Variants in HHAT observed in about 807,000 individuals in gnomAD.
HHAT encodes protein-cysteine N-palmitoyltransferase HHAT.
A neutral mutation model predicts 70.8 loss-of-function variants in HHAT; 47 were observed. The ratio of observed to expected loss-of-function variants is 0.66; its 90% CI spans 0.53 to 0.85. The LOEUF (loss-of-function observed/expected upper bound fraction) is 0.85. Among genes scored for constraint, HHAT ranks in the 40% least tolerant of loss-of-function variants. The probability of loss-of-function intolerance (pLI) is 0.00; values close to 1 mark genes in which losing one functional copy is unlikely to be tolerated. For missense variants in HHAT, 609 were observed against 604.8 expected, an observed-to-expected ratio of 1.01 and a Z score of -0.07; for synonymous variants, 228 against 247.6, an observed-to-expected ratio of 0.92 and a Z score of 0.74.
chr1:210,451,025 T>G (rs1453169720), intron 7 of HHAT, among the ~76,000 whole-genome samples: 1 of 148,634 alleles, frequency 6.7e-6, no homozygotes. Flanking sequence ...AGGTGGAGCT[T>G]GCAGTGAGCC....
chr1:210,623,242 T>C (rs2148873546), intron 10 of HHAT, among the ~76,000 whole-genome samples: 1 of 152,260 alleles, frequency 6.6e-6, no homozygotes, highest in Non-Finnish European at 1.5e-5. Context: ...CAGCTAATTT[T>C]TAAATTGTTT....
intron 9 of HHAT, among the ~76,000 whole-genome samples, chr1:210,536,021 TC>T (rs1232160921): frequency 6.6e-6 from 1 of 152,130 alleles, no homozygotes; most frequent in Non-Finnish European, 1.5e-5. Context: ...GCATATCGAG[TC>T]CAGCTCCGAG....
chr1:210,360,703 T>C (rs907263192), intron 2 of HHAT, among the ~76,000 whole-genome samples: 1 of 152,100 alleles, frequency 6.6e-6, no homozygotes, highest in Non-Finnish European at 1.5e-5. Flanking sequence ...CCAGGCCAAA[T>C]TGAGGTGTGC....
chr1:210,599,949 T>C (rs893192752), intron 10 of HHAT, among the ~76,000 whole-genome samples: 2 of 152,164 alleles, frequency 1.3e-5, no homozygotes, highest in African/African-American at 4.8e-5. Flanking sequence ...ATTACATACC[T>C]GATCCCTCTA....
At chr1:210,506,836 A>G (rs1448681510) in intron 8 of HHAT, among the ~76,000 whole-genome samples, 1 of 152,200 alleles carries the variant, frequency 6.6e-6, no homozygotes, top group African/African-American at 2.4e-5. Context: ...GCTTCACTCA[A>G]CGACATTTAT....
chr1:210,391,959 T>C (rs1324969435), intron 4 of HHAT, among the ~76,000 whole-genome samples: 2 of 152,058 alleles, frequency 1.3e-5, no homozygotes, highest in East Asian at 3.9e-4. Flanking sequence ...AACCTCCAAC[T>C]CCTGGGTTCA....
At chr1:210,494,235 A>T (rs2094595950) in intron 8 of HHAT, among the ~76,000 whole-genome samples, 1 of 152,142 alleles carries the variant, frequency 6.6e-6, no homozygotes, top group African/African-American at 2.4e-5. Context: ...TAGAGGAGTG[A>T]TGTGTCTTGG....
At chr1:210,561,648 T>G (rs554914768) in intron 9 of HHAT, among the ~76,000 whole-genome samples, 1 of 152,364 alleles carries the variant, frequency 6.6e-6, no homozygotes, top group East Asian at 1.9e-4. Flanking sequence ...TGCATTTATT[T>G]TATTTCTAAT....
At chr1:210,446,032 A>G (rs931588606) in intron 7 of HHAT, among the ~76,000 whole-genome samples, 5 of 152,176 alleles carry the variant, frequency 3.3e-5, no homozygotes, top group Admixed American at 3.3e-4. Context: ...CCCAGGCTCT[A>G]TCTTTGAATA....
rs952193825 is a variant in HHAT at position 210,433,870 on chromosome 1, C to G, written c.856+15545C>G. Among the ~76,000 whole-genome samples, 11 of 151,966 alleles carry G rather than the reference C, an allele frequency of 7.2e-5. 1 individual carries two copies. The highest frequency in any genetic ancestry group is 2.4e-4 in the African/African-American group (10 of 41,228). ...CCAGGAAGATCTTCCTGAGCACTGC[C>G]TGGGCAGGGCATTGGGCTGTGGATG... On this transcript the variant is annotated intron_variant, in intron 7 of 11. Coordinates refer to ENST00000261458, the MANE Select transcript of HHAT (RefSeq NM_018194.6).
intron 1 of HHAT, among the ~76,000 whole-genome samples, chr1:210,344,001 G>A (rs886668970): frequency 1.3e-5 from 2 of 152,152 alleles, no homozygotes; most frequent in African/African-American, 4.8e-5. Flanking sequence ...ACATCTGGGA[G>A]GCCGTTATCT....
At chr1:210,600,227 AC>A (rs1472697156) in intron 10 of HHAT, among the ~76,000 whole-genome samples, 1 of 152,248 alleles carries the variant, frequency 6.6e-6, no homozygotes, top group East Asian at 1.9e-4. Context: ...GGTCAGAAAT[AC>A]TGTATTCTTG....
chr1:210,514,605 T>A (rs1226757518), intron 9 of HHAT, among the ~76,000 whole-genome samples: 1 of 152,192 alleles, frequency 6.6e-6, no homozygotes, highest in Non-Finnish European at 1.5e-5. Flanking sequence ...TCAGCGATCA[T>A]GTCTTAGTCA....
intron 11 of HHAT, among the ~76,000 whole-genome samples, chr1:210,658,867 C>T (rs1176792839): frequency 6.6e-6 from 1 of 152,114 alleles, no homozygotes; most frequent in Non-Finnish European, 1.5e-5. Context: ...AAGGCAGAAG[C>T]AAAGATGTTC....
intron 11 of HHAT, among the ~76,000 whole-genome samples, chr1:210,659,721 C>T (rs12129019): frequency 0.26 from 38,977 of 152,092 alleles, 5,994 homozygotes; most frequent in South Asian, 0.36. Flanking sequence ...TTCTCCACCA[C>T]GATCAAGTCA....
chr1:210,520,958 G>A (rs2148606169), intron 9 of HHAT, among the ~76,000 whole-genome samples: 1 of 152,298 alleles, frequency 6.6e-6, no homozygotes, highest in Admixed American at 6.5e-5. Context: ...GAAATGCAAA[G>A]TATGGAAATC....
At chr1:210,368,815 C>T (rs888479682) in intron 3 of HHAT, among the ~76,000 whole-genome samples, 2 of 150,866 alleles carry the variant, frequency 1.3e-5, no homozygotes, top group Non-Finnish European at 2.9e-5. Context: ...CAGTGGCTCA[C>T]GCCTGTAATC....
chr1:210,588,989 G>A (rs1025717520), intron 10 of HHAT: 10 of 152,106 alleles, frequency 6.6e-5, no homozygotes, highest in African/African-American at 1.4e-4. Flanking sequence ...TTTATCTTGC[G>A]AATGTGATAT....
chr1:210,446,206 C>T (rs1265510285), intron 7 of HHAT, among the ~76,000 whole-genome samples: 1 of 152,156 alleles, frequency 6.6e-6, no homozygotes, highest in African/African-American at 2.4e-5. Context: ...ACTGGGGCCT[C>T]ACGGGAGCCT....
Sources: gnomAD v4.1 joint callset for allele counts (sites outside exome capture counted in the v4.1 genomes callset) on GRCh38, gnomAD v4.1.1 for gene constraint, MANE v1.5 for transcripts, NCBI Gene and HGNC (gene_info 2026-07-23, HGNC 2026-07-21) for gene names.